Variants in SLC6A6 observed in about 807,000 individuals in gnomAD.
SLC6A6 encodes sodium- and chloride-dependent taurine transporter.
A neutral mutation model predicts 68.8 loss-of-function variants in SLC6A6; 16 were observed. The observed-to-expected ratio is 0.23, with a 90% CI of 0.16 to 0.35. SLC6A6 has a LOEUF of 0.35. SLC6A6 is among the 10% of genes least tolerant of loss of function. The pLI, the probability that SLC6A6 is intolerant of heterozygous loss-of-function variation, is 1.00. For missense variants in SLC6A6, 474 were observed against 802.8 expected, an observed-to-expected ratio of 0.59 and a Z score of 4.95; for synonymous variants, 312 against 315.4, an observed-to-expected ratio of 0.99 and a Z score of 0.12.
intron 1 of SLC6A6, among the ~76,000 whole-genome samples, chr3:14,412,138 C>T (rs889483570): frequency 1.3e-5 from 2 of 152,178 alleles, no homozygotes; most frequent in Non-Finnish European, 2.9e-5. Flanking sequence ...GCGCGTGCCA[C>T]CACACGGGGT....
intron 2 of SLC6A6, among the ~76,000 whole-genome samples, chr3:14,443,029 T>C (rs1159156538): frequency 6.6e-6 from 1 of 152,230 alleles, no homozygotes; most frequent in Non-Finnish European, 1.5e-5. Flanking sequence ...GCAACCCATC[T>C]CAAATATTGT....
chr3:14,422,450 C>T (rs1415579495), intron 2 of SLC6A6, among the ~76,000 whole-genome samples: 1 of 152,186 alleles, frequency 6.6e-6, no homozygotes, highest in Non-Finnish European at 1.5e-5. Context: ...TGAGTCTCCA[C>T]CCCTTCGATT....
At chr3:14,424,554 G>A (rs1699548239) in intron 2 of SLC6A6, among the ~76,000 whole-genome samples, 1 of 152,078 alleles carries the variant, frequency 6.6e-6, no homozygotes, top group African/African-American at 2.4e-5. Context: ...GGAGCTGCCT[G>A]GGGTAGGGGG....
chr3:14,474,133 A>G, intron 10 of SLC6A6, among the ~76,000 whole-genome samples: 1 of 152,210 alleles, frequency 6.6e-6, no homozygotes, highest in East Asian at 1.9e-4. Context: ...AACCTAAGTC[A>G]CTGGTCTCCC....
At chr3:14,432,360 G>A (rs1483026345) in intron 2 of SLC6A6, among the ~76,000 whole-genome samples, 1 of 152,200 alleles carries the variant, frequency 6.6e-6, no homozygotes, top group African/African-American at 2.4e-5. Flanking sequence ...CCAGGCTGAG[G>A]GCTGGGCTGC....
rs577393331 is a variant in SLC6A6 at position 14,466,796 on chromosome 3, T to TTTCCACCGGGC, written c.867+147_867+157dup. The TTTCCACCGGGC allele has an allele frequency of 8.6e-5, 57 of 661,762 alleles. 1 individual carries two copies. The South Asian group carries it at 1.8e-3, about 21-fold the overall frequency. The allele number at this position is 661,762 out of a possible 1,614,324, so 41.0% of individuals were successfully genotyped here. A position where few individuals can be genotyped will look rare whatever the true frequency, so the allele number is the denominator to read the frequency against. On this transcript the variant is annotated intron_variant, in intron 7 of 14. Coordinates refer to ENST00000622186, the MANE Select transcript of SLC6A6 (RefSeq NM_003043.6). ...AGCTGGGCCACCGCCCCCTGGTACT[T>TTTCCACCGGGC]TTCCACCGGGCCTGTGGCGGGTGTG... is the stretch of plus-strand genomic sequence containing the variant.
At chr3:14,478,976 G>A in intron 12 of SLC6A6, 109 bp from the exon 13 acceptor site, 2 of 710,980 alleles carry the variant, frequency 2.8e-6, no homozygotes, top group Non-Finnish European at 5.2e-6. Context: ...TATCCATGGT[G>A]TGGAGATGCA....
chr3:14,420,110 A>T (rs1211228117), intron 2 of SLC6A6, among the ~76,000 whole-genome samples: 1 of 152,210 alleles, frequency 6.6e-6, no homozygotes, highest in East Asian at 1.9e-4. Flanking sequence ...TAATAAAATG[A>T]TATTTATTAT....
Position 14,477,422 on chromosome 3 carries a change from T to A in SLC6A6, c.1347+80T>A. On this transcript the variant is annotated intron_variant, in intron 11 of 14. Transcript: ENST00000622186. The surrounding 1 kb of genome is among the most constrained non-coding windows in gnomAD (Gnocchi z 4.2). ...GGCCATAGTGGAGGCAGCAGCTGGG[T>A]GAGAGGGCCAGGTAGGGGCTTCATC... is the stretch of plus-strand genomic sequence containing the variant. The A allele has an allele frequency of 2.8e-6, 4 of 1,433,192 alleles. No individual in the cohort carries two copies. Among genetic ancestry groups the A allele is most frequent in the Non-Finnish European group, 3.9e-6 (4 of 1,028,584 alleles). The allele number at this position is 1,433,192 out of a possible 1,614,324, so 88.8% of individuals were successfully genotyped here. A position where few individuals can be genotyped will look rare whatever the true frequency, so the allele number is the denominator to read the frequency against.
At chr3:14,452,581 C>A (rs1454839657) in intron 5 of SLC6A6, among the ~76,000 whole-genome samples, 1 of 152,178 alleles carries the variant, frequency 6.6e-6, no homozygotes, top group Non-Finnish European at 1.5e-5. Context: ...TCACATTGTG[C>A]CACATGTGTG....
intron 6 of SLC6A6, among the ~76,000 whole-genome samples, chr3:14,461,873 G>C (rs901609385): frequency 2.0e-5 from 3 of 152,214 alleles, no homozygotes; most frequent in African/African-American, 7.2e-5. Context: ...AAGGATGCCT[G>C]GCTCCCCCTG....
At chr3:14,474,124 A>G (rs1390437583) in intron 10 of SLC6A6, among the ~76,000 whole-genome samples, 1 of 152,174 alleles carries the variant, frequency 6.6e-6, no homozygotes, top group South Asian at 2.1e-4. Context: ...TAGAAATCGA[A>G]CCTAAGTCAC....
At chr3:14,443,072 C>T (rs1387698723) in intron 2 of SLC6A6, among the ~76,000 whole-genome samples, 1 of 152,192 alleles carries the variant, frequency 6.6e-6, no homozygotes, top group South Asian at 2.1e-4. Context: ...ATTCCTCGTT[C>T]GTTTCCGTCT....
rs751400938 is a variant in SLC6A6 at position 14,481,891 on chromosome 3, G to C, written c.1722+50G>C. The stretch of plus-strand genomic sequence containing the variant: ...GGGAGGTGGGAGGCGCGAGGCCAAA[G>C]GTGATTGTTGTCAGTTTGCTGCGTG... On this transcript the variant is annotated intron_variant, in intron 14 of 14. Transcript: ENST00000622186. This position sits in a 1 kb window ranked among gnomAD's most constrained non-coding sequence, Gnocchi z 4.7. The C allele has an allele frequency of 2.2e-5, 34 of 1,511,554 alleles. No individual in the cohort carries two copies. The Admixed American group carries it at 2.9e-4, about 13-fold the overall frequency. The allele number at this position is 1,511,554 out of a possible 1,614,324, so 93.6% of individuals were successfully genotyped here.
intron 5 of SLC6A6, among the ~76,000 whole-genome samples, chr3:14,457,640 A>G (rs1185356027): frequency 1.3e-5 from 2 of 152,228 alleles, no homozygotes; most frequent in Non-Finnish European, 2.9e-5. Context: ...CTGAAGTCCC[A>G]ACAGAAAATC....
At chr3:14,443,899 G>A in intron 3 of SLC6A6, 36 bp downstream of exon 3, 1 of 1,448,680 alleles carries the variant, frequency 6.9e-7, no homozygotes. Flanking sequence ...AGCCCATCCA[G>A]TACAAAGCCG....
At chr3:14,467,142 G>A (rs2124980263) in intron 7 of SLC6A6, among the ~76,000 whole-genome samples, 1 of 152,312 alleles carries the variant, frequency 6.6e-6, no homozygotes, top group East Asian at 1.9e-4. Context: ...GTGACCTTGG[G>A]GAGGTGGAGA....
Position 14,486,784 on chromosome 3 carries a change from A to T in SLC6A6, c.*1777A>T, listed in dbSNP as rs1701179301. ...CCTTCTTAAATTTGGGAGGAGGAGT[A>T]TGCCTTTGGTGTCCCCCTCCCAAGG... is the stretch of plus-strand genomic sequence containing the variant. On this transcript the variant is annotated 3_prime_UTR_variant, in exon 15 of 15. Coordinates refer to ENST00000622186, the MANE Select transcript of SLC6A6 (RefSeq NM_003043.6). 6.6e-6 allele frequency: 1 copy of T among 152,490 alleles called. No homozygotes were observed. Among genetic ancestry groups the T allele is most frequent in the Non-Finnish European group, 1.5e-5 (1 of 68,040 alleles). 9.4% of individuals were successfully genotyped at this position (152,490 alleles called of 1,614,324 possible).
In SLC6A6 at chr3:14,457,033, G is replaced by A. The variant is rs139169672; in HGVS notation, c.600-917G>A. Among the ~76,000 whole-genome samples, 357 of 152,318 alleles carry A rather than the reference G, an allele frequency of 2.3e-3. 3 individuals are homozygous for A. Among genetic ancestry groups the A allele is most frequent in the African/African-American group, 8.1e-3 (335 of 41,564 alleles). ...TCTGGGCATCAAGTTTCATGGCCTG[G>A]GCTGTCAGTACCCTGCATCGCCCTG... On this transcript the variant is annotated intron_variant, in intron 5 of 14. Transcript: ENST00000622186.
Sources: allele counts gnomAD v4.1 joint callset (sites outside exome capture counted in the v4.1 genomes callset), GRCh38; gene constraint gnomAD v4.1.1; non-coding constraint Gnocchi (gnomAD v3.1); transcripts MANE v1.5; gene names NCBI Gene and HGNC (gene_info 2026-07-23, HGNC 2026-07-21).